Variants in CREBBP observed in about 807,000 individuals in gnomAD.
CREBBP encodes CREB binding lysine acetyltransferase, also known as CREB-binding protein.
In CREBBP, 19 loss-of-function variants were observed where a neutral mutation model predicts 265.0. The observed-to-expected ratio is 0.07, with a 90% CI of 0.05 to 0.11. The LOEUF (loss-of-function observed/expected upper bound fraction) is 0.11. Ranked by LOEUF, CREBBP falls within the 10% of genes least tolerant of loss-of-function variation. The pLI is 1.00. For synonymous variants in CREBBP, 1,457 were observed against 1,223.7 expected, an observed-to-expected ratio of 1.19 and a Z score of -3.98; for missense variants, 2,525 against 3,219.0, an observed-to-expected ratio of 0.78 and a Z score of 5.22.
chr16:3,876,940 G>A (rs953511881), intron 1 of CREBBP, among the ~76,000 whole-genome samples: 2 of 152,186 alleles, frequency 1.3e-5, no homozygotes, highest in Non-Finnish European at 2.9e-5. Context: ...CCCTGGCTGA[G>A]CAGCTCCCCA....
At chr16:3,772,701 G>T (rs2053041701) in intron 13 of CREBBP, among the ~76,000 whole-genome samples, 1 of 151,996 alleles carries the variant, frequency 6.6e-6, no homozygotes, top group African/African-American at 2.4e-5. Flanking sequence ...AAATGTTATG[G>T]AAAGTTAAGA....
intron 6 of CREBBP, among the ~76,000 whole-genome samples, chr16:3,781,878 GGCCAGTATTAGTTA>G (rs1247207996): frequency 7.2e-5 from 11 of 152,154 alleles, no homozygotes; most frequent in Admixed American, 3.3e-4. Context: ...TCAGTCTCCT[GGCCAGTATTAGTTA>G]GACATTCATT....
intron 2 of CREBBP, among the ~76,000 whole-genome samples, chr16:3,849,419 GT>G (rs367877656): frequency 0.021 from 159 of 7,708 alleles, no homozygotes; most frequent in East Asian, 0.1. Context: ...GTGTGTGTGT[GT>G]GTGTGTGTGT....
intron 3 of CREBBP, among the ~76,000 whole-genome samples, chr16:3,805,427 T>C (rs556051650): frequency 1.3e-5 from 2 of 152,304 alleles, no homozygotes; most frequent in East Asian, 1.9e-4. Flanking sequence ...GAGGGAGGTA[T>C]TAGACAAGCA....
At chr16:3,866,434 ATTTGTAC>A (rs2055180019) in intron 1 of CREBBP, among the ~76,000 whole-genome samples, 1 of 152,210 alleles carries the variant, frequency 6.6e-6, no homozygotes, top group Non-Finnish European at 1.5e-5. Context: ...CTTAGGGGTA[ATTTGTAC>A]TTTGTTCAAA....
At chr16:3,826,723 C>A (rs1318613607) in intron 2 of CREBBP, among the ~76,000 whole-genome samples, 1 of 152,110 alleles carries the variant, frequency 6.6e-6, no homozygotes, top group Non-Finnish European at 1.5e-5. Context: ...GAAAACGTCA[C>A]AATCAAGAGG....
intron 3 of CREBBP, among the ~76,000 whole-genome samples, chr16:3,799,125 T>G (rs905824841): frequency 6.6e-6 from 1 of 152,090 alleles, no homozygotes; most frequent in Non-Finnish European, 1.5e-5. Flanking sequence ...AATAGATACA[T>G]CCATGGGGGT....
chr16:3,855,813 T>C (rs910611783), intron 1 of CREBBP, among the ~76,000 whole-genome samples: 9 of 152,176 alleles, frequency 5.9e-5, no homozygotes, highest in South Asian at 2.1e-4. Context: ...CACTGAGGTG[T>C]CCAGACACAA....
At chr16:3,839,418 T>C (rs143010795) in intron 2 of CREBBP, among the ~76,000 whole-genome samples, 133 of 152,230 alleles carry the variant, frequency 8.7e-4, no homozygotes, top group Non-Finnish European at 1.5e-3. Flanking sequence ...AGGTGGCTCA[T>C]GTCTGTAATC....
chr16:3,784,005 A>G (rs575446021), intron 5 of CREBBP, among the ~76,000 whole-genome samples: 8 of 152,332 alleles, frequency 5.3e-5, no homozygotes, highest in African/African-American at 1.7e-4. Context: ...ATCATATGGC[A>G]GAAGTTCTAT....
intron 16 of CREBBP, among the ~76,000 whole-genome samples, chr16:3,761,842 G>A (rs1020809712): frequency 2.3e-4 from 35 of 152,162 alleles, no homozygotes; most frequent in African/African-American, 8.2e-4. Flanking sequence ...GCTAGTCTTT[G>A]AATAACTTTT....
chr16:3,845,293 G>C (rs2054643500), intron 2 of CREBBP, among the ~76,000 whole-genome samples: 2 of 152,148 alleles, frequency 1.3e-5, no homozygotes. Context: ...AACCACCTGT[G>C]TGAGAAATAA....
chr16:3,786,694 T>G (rs2053396018), intron 5 of CREBBP, among the ~76,000 whole-genome samples: 1 of 152,210 alleles, frequency 6.6e-6, no homozygotes, highest in Non-Finnish European at 1.5e-5. Context: ...GCTGTAGGGC[T>G]TGAGTCCACC....
chr16:3,738,314 TAAA>T (rs369510235), intron 26 of CREBBP, among the ~76,000 whole-genome samples: 1 of 131,228 alleles, frequency 7.6e-6, no homozygotes, highest in Admixed American at 7.6e-5. Context: ...TCAATAAAGT[TAAA>T]AAAAAAAAAA....
At position 3,729,500 on chromosome 16, in the gene CREBBP, C is replaced by T. The variant is rs1473206711; in HGVS notation, c.5547G>A (p.Lys1849=). ...GGTGCTGGATCTGCTGCTGGCGGAGCTTGTGTTTGATGTTGAGGCAGAAGG... is the reference window on the plus strand; with the variant it reads ...GGTGCTGGATCTGCTGCTGGCGGAGTTTGTGTTTGATGTTGAGGCAGAAGG... The part of the protein sequence containing the change: ...PVPFCLNIKH[K]LRQQQIQHRL... Residue 1849 remains lysine (K), a synonymous_variant, in exon 31 of 31, where the codon AAG becomes AAA. Transcript: ENST00000262367. 4 of 1,614,158 alleles carry T rather than the reference C, an allele frequency of 2.5e-6. No homozygotes were observed. The South Asian group carries it at 3.3e-5, about 13-fold the overall frequency.
Position 3,793,631 on chromosome 16 carries a change from A to C in CREBBP, c.976-5T>G. Reference sequence around the variant, plus strand: ...CACTGATGTTTGCATCTGAGACTAAAATAAAGCAAAATAATAAAAATACTT... The same window carrying C: ...CACTGATGTTTGCATCTGAGACTAACATAAAGCAAAATAATAAAAATACTT... On this transcript the variant is annotated splice_polypyrimidine_tract_variant and splice_region_variant and intron_variant, in intron 3 of 30. Transcript: ENST00000262367. 1 of 1,612,238 alleles carries C rather than the reference A, an allele frequency of 6.2e-7. No homozygotes were observed. Among genetic ancestry groups the C allele is most frequent in the African/African-American group, 1.3e-5 (1 of 74,970 alleles).
Position 3,792,066 on chromosome 16 carries a change from G to C in CREBBP, c.1245C>G (p.Ile415Met). The change falls in exon 5 of 31, where the codon ATC becomes ATG. Residue 415 changes from isoleucine (I) to methionine (M), a missense_variant. By Grantham distance (10) the Ile-to-Met change is conservative (BLOSUM62 1). This residue lies in a region of CREBBP where 7 missense variants were observed against 39.8 expected (regional missense o/e 0.18). Coordinates refer to ENST00000262367, the MANE Select transcript of CREBBP (RefSeq NM_004380.3). ...GTGTGCAGTTCTTCCAATGAGAGAT[G>C]ATTTGTCGTGAAGATGCACAATGGG... Reference protein sequence around the residue: ...QVAHCASSRQIISHWKNCTRH... With the variant: ...QVAHCASSRQMISHWKNCTRH... 6.2e-7 allele frequency: 1 copy of C among 1,614,148 alleles called. No individual in the cohort carries two copies. The highest frequency in any genetic ancestry group is 8.5e-7 in the Non-Finnish European group (1 of 1,179,992).
In CREBBP at chr16:3,749,641, G is replaced by T; in HGVS notation, c.3822C>A (p.Thr1274=). The change falls in exon 21 of 31, where the codon ACC becomes ACA. Residue 1274 remains threonine (T), a synonymous_variant. Coordinates refer to ENST00000262367, the MANE Select transcript of CREBBP (RefSeq NM_004380.3). The part of the protein sequence containing the change: ...KDQFEKKKND[T]LDPEPFVDCK... ...TATATACTTACGGTTCGGGGTCTAA[G>T]GTATCATTTTTCTTCTTTTCAAACT... 1 of 1,606,270 alleles carries T rather than the reference G, an allele frequency of 6.2e-7. No individual in the cohort carries two copies. Among genetic ancestry groups the T allele is most frequent in the Non-Finnish European group, 8.5e-7 (1 of 1,173,646 alleles).
chr16:3,732,494 G>C (rs1484652502), intron 28 of CREBBP, among the ~76,000 whole-genome samples: 4 of 152,196 alleles, frequency 2.6e-5, no homozygotes, highest in African/African-American at 7.2e-5. Flanking sequence ...AGGTGGGCTT[G>C]CTCTCAGCCC....
Sources: gnomAD v4.1 joint callset for allele counts (sites outside exome capture counted in the v4.1 genomes callset) on GRCh38, gnomAD v4.1.1 for gene constraint, gnomAD v4.1.1 regional missense constraint, MANE v1.5 for transcripts, NCBI Gene and HGNC (gene_info 2026-07-23, HGNC 2026-07-21) for gene names.